PTPRD: variants seen among roughly 807,000 people sequenced by gnomAD.
The protein encoded by PTPRD is protein tyrosine phosphatase receptor type D, also known as receptor-type tyrosine-protein phosphatase delta.
Under a neutral mutation model 214.5 loss-of-function variants are expected in PTPRD, and 34 were observed. That is an observed-to-expected ratio of 0.16 (90% CI 0.12 to 0.21). The LOEUF is 0.21. Ranked by LOEUF, PTPRD falls within the 10% of genes least tolerant of loss-of-function variation. The pLI, the probability that PTPRD is intolerant of heterozygous loss-of-function variation, is 1.00. For missense variants in PTPRD, 2,545 were observed against 2,398.7 expected (o/e 1.06, Z -1.27); for synonymous variants, 1,128 against 845.7 (o/e 1.33, Z -5.79).
intron 2 of PTPRD, among the ~76,000 whole-genome samples, chr9:10,432,162 C>A (rs911694070): frequency 1.3e-5 from 2 of 151,428 alleles, no homozygotes; most frequent in Non-Finnish European, 2.9e-5. Flanking sequence ...TGGAAATCAT[C>A]ATTCTCAGTA....
At chr9:9,295,822 G>T (rs1472170146) in intron 9 of PTPRD, among the ~76,000 whole-genome samples, 1 of 151,702 alleles carries the variant, frequency 6.6e-6, no homozygotes, top group East Asian at 2.0e-4. Context: ...CTCTGATCAG[G>T]GCTTCGAAGC....
At chr9:8,326,651 T>C (rs7868686) in intron 44 of PTPRD, among the ~76,000 whole-genome samples, 58,536 of 144,414 alleles carry the variant, frequency 0.41, 16,166 homozygotes, top group African/African-American at 0.78. Context: ...ATGGTACCAA[T>C]TCCTCTTTGT....
At chr9:10,148,573 G>A (rs912936833) in intron 3 of PTPRD, among the ~76,000 whole-genome samples, 1 of 152,098 alleles carries the variant, frequency 6.6e-6, no homozygotes, top group African/African-American at 2.4e-5. Flanking sequence ...TCAAGGAAGA[G>A]GTCAAAATAC....
chr9:9,462,777 T>C (rs780539060), intron 8 of PTPRD, among the ~76,000 whole-genome samples: 2 of 152,134 alleles, frequency 1.3e-5, no homozygotes, highest in Non-Finnish European at 1.5e-5. Context: ...GCAGGTGACA[T>C]GGCAGATGAT....
At chr9:9,174,973 T>C (rs1172120102) in intron 10 of PTPRD, among the ~76,000 whole-genome samples, 1 of 152,042 alleles carries the variant, frequency 6.6e-6, no homozygotes, top group South Asian at 2.1e-4. Flanking sequence ...AGGAATGGGA[T>C]TAATATCATT....
chr9:8,422,706 A>G (rs936837828), intron 35 of PTPRD, among the ~76,000 whole-genome samples: 1 of 152,220 alleles, frequency 6.6e-6, no homozygotes, highest in Admixed American at 6.5e-5. Context: ...CTGTGACAAC[A>G]AGGATCAATA....
At chr9:10,102,489 G>A (rs2098561915) in intron 3 of PTPRD, among the ~76,000 whole-genome samples, 1 of 151,444 alleles carries the variant, frequency 6.6e-6, no homozygotes, top group Non-Finnish European at 1.5e-5. Context: ...ATTAATCTCA[G>A]ATAAACAAAA....
At chr9:9,170,329 A>G (rs545251474) in intron 10 of PTPRD, among the ~76,000 whole-genome samples, 1 of 152,280 alleles carries the variant, frequency 6.6e-6, no homozygotes, top group African/African-American at 2.4e-5. Flanking sequence ...TCAAATTTTT[A>G]CTTATGTTAG....
intron 9 of PTPRD, among the ~76,000 whole-genome samples, chr9:9,211,808 T>TC (rs1454785883): frequency 6.6e-6 from 1 of 152,060 alleles, no homozygotes; most frequent in Admixed American, 6.6e-5. Context: ...GGTACTATTT[T>TC]TTTTTTTTCA....
chr9:8,951,541 G>A (rs574554630), intron 11 of PTPRD, among the ~76,000 whole-genome samples: 2 of 151,962 alleles, frequency 1.3e-5, no homozygotes, highest in East Asian at 1.9e-4. Context: ...GCTGTTTTAC[G>A]TTCAGCATAT....
intron 5 of PTPRD, among the ~76,000 whole-genome samples, chr9:9,893,002 A>G (rs10978065): frequency 0.076 from 11,544 of 152,144 alleles, 989 homozygotes; most frequent in African/African-American, 0.21. Flanking sequence ...ATTTGGTTTT[A>G]GACAAGATAA....
intron 4 of PTPRD, among the ~76,000 whole-genome samples, chr9:10,010,974 A>C (rs1457335959): frequency 6.6e-6 from 1 of 152,006 alleles, no homozygotes; most frequent in East Asian, 1.9e-4. Flanking sequence ...ACAAGAAGCC[A>C]ATACCAAAGT....
chr9:10,151,137 T>G (rs1318250834), intron 3 of PTPRD, among the ~76,000 whole-genome samples: 1 of 147,962 alleles, frequency 6.8e-6, no homozygotes, highest in Non-Finnish European at 1.5e-5. Context: ...CTCGGCTCAC[T>G]GTAACATTTG....
At chr9:8,991,519 G>C (rs2154347983) in intron 11 of PTPRD, among the ~76,000 whole-genome samples, 1 of 152,188 alleles carries the variant, frequency 6.6e-6, no homozygotes, top group East Asian at 1.9e-4. Context: ...GATACCCTCA[G>C]TCCTGTATGA....
In PTPRD at chr9:8,809,768, T is replaced by A. The variant is rs144877023; in HGVS notation, c.-103-75822A>T. Among the ~76,000 whole-genome samples the A allele has an allele frequency of 6.1e-3, 926 of 152,300 alleles. 4 individuals are homozygous for A. Among genetic ancestry groups the A allele is most frequent in the African/African-American group, 0.021 (864 of 41,552 alleles). On this transcript the variant is annotated intron_variant, in intron 11 of 45. Transcript: ENST00000381196. ...GAGCCAGTGTTCATTGTATTATCAG[T>A]TTCAGCCTGATAATTTGATATGACG...
chr9:8,476,345 G>A (rs921065890), intron 30 of PTPRD, among the ~76,000 whole-genome samples: 6 of 152,104 alleles, frequency 3.9e-5, no homozygotes, highest in African/African-American at 7.2e-5. Flanking sequence ...GGCGGAGCTC[G>A]CTCCAGTGGT....
chr9:9,855,481 T>C (rs10978036), intron 5 of PTPRD, among the ~76,000 whole-genome samples: 16,860 of 152,210 alleles, frequency 0.11, 2,470 homozygotes, highest in East Asian at 0.76. Flanking sequence ...CTTGAAGTAC[T>C]AGGAAATTAA....
intron 5 of PTPRD, among the ~76,000 whole-genome samples, chr9:9,931,202 T>C (rs990459958): frequency 6.6e-6 from 1 of 152,094 alleles, no homozygotes; most frequent in African/African-American, 2.4e-5. Flanking sequence ...AAAAAAAGAA[T>C]TAAAAATTAC....
At position 8,920,175 on chromosome 9, in the gene PTPRD, T is replaced by C. The variant is rs144234930; in HGVS notation, c.-104+98522A>G. On this transcript the variant is annotated intron_variant, in intron 11 of 45. Coordinates refer to ENST00000381196, the MANE Select transcript of PTPRD (RefSeq NM_002839.4). ...GGGCAACACGGCAAATTCCCATCTC[T>C]ACTAACATACCAAAAATTAGCTGGG... Among the ~76,000 whole-genome samples, 55 of 152,128 alleles carry C rather than the reference T, an allele frequency of 3.6e-4. No homozygotes were observed. The East Asian group carries it at 8.7e-3, about 24-fold the overall frequency.
Sources: allele counts gnomAD v4.1 joint callset (sites outside exome capture counted in the v4.1 genomes callset), GRCh38; gene constraint gnomAD v4.1.1; transcripts MANE v1.5; gene names NCBI Gene and HGNC (gene_info 2026-07-23, HGNC 2026-07-21).